Variants in FAM178B observed in about 807,000 individuals in gnomAD.
FAM178B encodes the protein family with sequence similarity 178 member B, also known as protein FAM178B.
Under a neutral mutation model 91.7 loss-of-function variants are expected in FAM178B, and 82 were observed. The ratio of observed to expected loss-of-function variants is 0.89; its 90% CI spans 0.75 to 1.07. The LOEUF is 1.07. Among genes scored for constraint, FAM178B ranks in the 50% least tolerant of loss-of-function variants. The pLI, the probability that FAM178B is intolerant of heterozygous loss-of-function variation, is 0.00. For synonymous variants in FAM178B, 368 were observed against 359.4 expected, an observed-to-expected ratio of 1.02 and a Z score of -0.27; for missense variants, 769 against 846.7, an observed-to-expected ratio of 0.91 and a Z score of 1.14.
In FAM178B at chr2:96,886,917, T is replaced by TA. The variant is rs532658466; in HGVS notation, c.1776+7008dup. ...GTTAACACCAAACCTGGCTCATTTT[T>TA]AAAAAAAAACCTTTTGGCCGGGCGC... is the stretch of plus-strand genomic sequence containing the variant. On this transcript the variant is annotated intron_variant, in intron 14 of 16. Transcript: ENST00000490605. Among the ~76,000 whole-genome samples the TA allele has an allele frequency of 6.1e-3, 925 of 151,756 alleles. 3 individuals are homozygous for TA. Among genetic ancestry groups the TA allele is most frequent in the Non-Finnish European group, 9.7e-3 (662 of 67,906 alleles).
At chr2:96,962,692 C>T (rs374039727) in intron 5 of FAM178B, among the ~76,000 whole-genome samples, 3 of 152,146 alleles carry the variant, frequency 2.0e-5, no homozygotes, top group African/African-American at 2.4e-5. Flanking sequence ...TCAGCACACA[C>T]GCAAGGTCTT....
chr2:96,924,208 C>G (rs1319763949), intron 9 of FAM178B, among the ~76,000 whole-genome samples: 1 of 152,216 alleles, frequency 6.6e-6, no homozygotes, highest in Non-Finnish European at 1.5e-5. Flanking sequence ...AATCACACTT[C>G]CAATCCCCCC....
At chr2:96,932,434 A>C (rs1346817206) in intron 8 of FAM178B, among the ~76,000 whole-genome samples, 2 of 152,202 alleles carry the variant, frequency 1.3e-5, no homozygotes, top group Non-Finnish European at 2.9e-5. Flanking sequence ...ACCACCCCGG[A>C]GCCCATAATT....
intron 9 of FAM178B, among the ~76,000 whole-genome samples, chr2:96,924,664 A>AT (rs942679599): frequency 1.3e-5 from 2 of 152,208 alleles, no homozygotes; most frequent in Non-Finnish European, 2.9e-5. Flanking sequence ...GTATGGCCGA[A>AT]TGTACATTGT....
intron 12 of FAM178B, among the ~76,000 whole-genome samples, chr2:96,918,989 T>TA (rs1292185559): frequency 1.3e-5 from 2 of 152,180 alleles, no homozygotes; most frequent in African/African-American, 4.8e-5. Flanking sequence ...CGGGCTCTCT[T>TA]AGAGTTGTAA....
At chr2:96,929,571 C>T (rs553734063) in intron 8 of FAM178B, among the ~76,000 whole-genome samples, 2 of 152,346 alleles carry the variant, frequency 1.3e-5, no homozygotes, top group Non-Finnish European at 1.5e-5. Context: ...TTGGGTCAAC[C>T]ACTCCCTGAC....
In FAM178B at chr2:96,972,228, G is replaced by C. The variant is rs1181150262; in HGVS notation, c.237C>G (p.Ala79=). ...HPLDQGPRCP[A]RRPCSPASAP... The stretch of plus-strand genomic sequence containing the variant: ...CCGAGGCAGGGCTGCAGGGCCGCCG[G>C]GCAGGGCAGCGGGGCCCCTGGTCCA... The change falls in exon 3 of 17, where the codon GCC becomes GCG. Residue 79 remains alanine (A), a synonymous_variant. Coordinates refer to ENST00000490605, the MANE Select transcript of FAM178B (RefSeq NM_001122646.3). 2.0e-6 allele frequency: 3 copies of C among 1,537,884 alleles called. No individual in the cohort carries two copies. The highest frequency in any genetic ancestry group is 4.1e-5 in the Admixed American group (2 of 48,896).
intron 7 of FAM178B, among the ~76,000 whole-genome samples, chr2:96,951,045 G>C (rs370776460): frequency 3.9e-5 from 6 of 152,142 alleles, no homozygotes; most frequent in African/African-American, 1.4e-4. Context: ...AGGTTAGACC[G>C]TAAGTCCACT....
intron 12 of FAM178B, among the ~76,000 whole-genome samples, chr2:96,912,036 G>GA (rs1207161952): frequency 6.6e-6 from 1 of 152,150 alleles, no homozygotes; most frequent in Non-Finnish European, 1.5e-5. Flanking sequence ...GGCTTCCCCA[G>GA]AAAGTAGGCT....
chr2:96,916,031 C>T (rs2081235785), intron 12 of FAM178B, among the ~76,000 whole-genome samples: 1 of 152,170 alleles, frequency 6.6e-6, no homozygotes, highest in Admixed American at 6.5e-5. Context: ...TACTCCGTAG[C>T]ACGGGCAGAA....
intron 14 of FAM178B, among the ~76,000 whole-genome samples, chr2:96,886,175 G>C (rs1415907414): frequency 6.6e-6 from 1 of 152,118 alleles, no homozygotes; most frequent in African/African-American, 2.4e-5. Flanking sequence ...CCCTTCCTTT[G>C]TAAGAGTGTC....
chr2:96,917,624 A>G (rs2081263406), intron 12 of FAM178B, among the ~76,000 whole-genome samples: 1 of 152,206 alleles, frequency 6.6e-6, no homozygotes, highest in Non-Finnish European at 1.5e-5. Context: ...GGGAGGCTGA[A>G]GTGGGAAGAT....
At chr2:96,975,022 C>T (rs1177582982) in intron 1 of FAM178B, among the ~76,000 whole-genome samples, 3 of 129,848 alleles carry the variant, frequency 2.3e-5, no homozygotes, top group African/African-American at 8.6e-5. Context: ...ACCCGGGAGG[C>T]GGAGGTTGCA....
chr2:96,912,752 C>T (rs970535052), intron 12 of FAM178B, among the ~76,000 whole-genome samples: 10 of 152,210 alleles, frequency 6.6e-5, no homozygotes, highest in African/African-American at 2.4e-4. Context: ...GCCCAGGCTC[C>T]GGATGCGACC....
chr2:96,914,033 A>G (rs926636886), intron 12 of FAM178B, among the ~76,000 whole-genome samples: 2 of 152,222 alleles, frequency 1.3e-5, no homozygotes, highest in African/African-American at 4.8e-5. Context: ...GTTGGCTTTT[A>G]CTTATTTGCC....
chr2:96,921,144 C>G, intron 12 of FAM178B, 21 bp downstream of exon 12: 1 of 1,542,436 alleles, frequency 6.5e-7, no homozygotes, highest in Non-Finnish European at 8.8e-7. Flanking sequence ...AGGGAGGAGG[C>G]AGCGGGGGAG....
intron 1 of FAM178B, 75 bp downstream of exon 1, chr2:96,986,166 G>A: frequency 1.3e-6 from 2 of 1,529,226 alleles, no homozygotes; most frequent in East Asian, 2.4e-5. Flanking sequence ...GACCAGCCAG[G>A]AGTCCCAGGG....
rs990257236 is a variant in FAM178B at position 96,902,712 on chromosome 2, G to C, written c.1563-5C>G. 5.2e-6 allele frequency: 8 copies of C among 1,549,210 alleles called. No individual in the cohort carries two copies. Among genetic ancestry groups the C allele is most frequent in the African/African-American group, 2.7e-5 (2 of 72,986 alleles). On this transcript the variant is annotated splice_polypyrimidine_tract_variant and splice_region_variant and intron_variant, in intron 12 of 16. Transcript: ENST00000490605. ...CTGAGCTGGCTTCGAAGCCGCCTGGGGGAAAAGCGACAGCCTGAGAGAGGG... is the reference window on the plus strand; with the variant it reads ...CTGAGCTGGCTTCGAAGCCGCCTGGCGGAAAAGCGACAGCCTGAGAGAGGG...
At chr2:96,981,298 C>T (rs565211715) in intron 1 of FAM178B, among the ~76,000 whole-genome samples, 6 of 152,092 alleles carry the variant, frequency 3.9e-5, no homozygotes, top group African/African-American at 1.4e-4. Flanking sequence ...ATGGGTAATA[C>T]GTTGACTTCG....
Sources: allele counts gnomAD v4.1 joint callset (sites outside exome capture counted in the v4.1 genomes callset), GRCh38; gene constraint gnomAD v4.1.1; transcripts MANE v1.5; gene names NCBI Gene and HGNC (gene_info 2026-07-23, HGNC 2026-07-21).